Variants in PFKP observed in about 807,000 individuals in gnomAD.
PFKP encodes phosphofructokinase, platelet.
A neutral mutation model predicts 94.3 loss-of-function variants in PFKP; 101 were observed. The observed-to-expected ratio is 1.07, with a 90% CI of 0.91 to 1.26. The LOEUF (loss-of-function observed/expected upper bound fraction) is 1.26, where lower values mean the gene tolerates loss of function less well. Ranked by LOEUF, PFKP falls within the 50% of genes most tolerant of loss-of-function variation. PFKP has a pLI of 0.00. For missense variants in PFKP, 1,145 were observed against 1,103.3 expected (o/e 1.04, Z -0.53); for synonymous variants, 573 against 432.6 (o/e 1.32, Z -4.03).
intron 11 of PFKP, among the ~76,000 whole-genome samples, chr10:3,112,633 C>T (rs534200180): frequency 2.3e-4 from 35 of 152,344 alleles, no homozygotes; most frequent in Non-Finnish European, 4.7e-4. Flanking sequence ...TCTCAGCTCC[C>T]TGCAATCTCT....
chr10:3,109,344 C>T lies in PFKP; in HGVS notation c.964-11C>T, dbSNP rs117757778. ...GAGGCTGCCCCTGACCCACATGGAC[C>T]TGGTTTCCAGGCCAGCCGCATGGGA... On this transcript the variant is annotated splice_polypyrimidine_tract_variant and intron_variant, in intron 9 of 21. Transcript: ENST00000381125. 12,655 of 1,608,402 alleles carry T rather than the reference C, an allele frequency of 7.9e-3. 83 individuals are homozygous for T. The highest frequency in any genetic ancestry group is 9.2e-3 in the Non-Finnish European group (10,825 of 1,179,952).
chr10:3,096,809 C>G (rs61835135), intron 2 of PFKP, among the ~76,000 whole-genome samples: 3 of 147,950 alleles, frequency 2.0e-5, no homozygotes, highest in Non-Finnish European at 4.5e-5. Flanking sequence ...CCGGGTGCGG[C>G]GGCTCATGCC....
chr10:3,117,024 G>A (rs1249126993), intron 14 of PFKP, among the ~76,000 whole-genome samples, 178 bp downstream of exon 14: 1 of 152,218 alleles, frequency 6.6e-6, no homozygotes, highest in Non-Finnish European at 1.5e-5. Flanking sequence ...CCAGGGAGCT[G>A]GGGATGTGTC....
chr10:3,080,344 C>T (rs1024306261), intron 1 of PFKP, among the ~76,000 whole-genome samples: 7 of 151,962 alleles, frequency 4.6e-5, no homozygotes, highest in Non-Finnish European at 8.8e-5. Flanking sequence ...GGTGAAACCC[C>T]GTCTCTACTA....
At chr10:3,077,717 C>T (rs1285106189) in intron 1 of PFKP, among the ~76,000 whole-genome samples, 1 of 152,126 alleles carries the variant, frequency 6.6e-6, no homozygotes, top group Admixed American at 6.5e-5. Context: ...CTGGTGTAGG[C>T]CAAGGATGAC....
intron 16 of PFKP, among the ~76,000 whole-genome samples, chr10:3,126,236 G>T (rs998962586): frequency 6.6e-6 from 1 of 152,196 alleles, no homozygotes; most frequent in Non-Finnish European, 1.5e-5. Context: ...GCAGCTTCCT[G>T]TGAGTCCGAG....
chr10:3,136,191 G>A (rs9423493), intron 21 of PFKP, among the ~76,000 whole-genome samples: 2 of 151,942 alleles, frequency 1.3e-5, no homozygotes, highest in Non-Finnish European at 2.9e-5. Context: ...CTTGAACCCG[G>A]GAGGCAGAGG....
At position 3,067,695 on chromosome 10, in the gene PFKP, G is replaced by T; in HGVS notation, c.100G>T (p.Gly34Trp). 1 of 1,505,256 alleles carries T rather than the reference G, an allele frequency of 6.6e-7. No homozygotes were observed. 93.2% of individuals were successfully genotyped at this position (1,505,256 alleles called of 1,614,324 possible). A position where few individuals can be genotyped will look rare whatever the true frequency, so the allele number is the denominator to read the frequency against. ...GKAIGVLTSGGDAQGMNAAVR... is the reference protein window; with the variant it reads ...GKAIGVLTSGWDAQGMNAAVR... ...GGCCATCGGCGTGCTGACCAGCGGC[G>T]GGGATGCTCAAGGTGCGCGCCCCCC... Residue 34 changes from glycine (G) to tryptophan (W), a missense_variant, in exon 1 of 22, where the codon GGG (glycine) becomes TGG (tryptophan). This residue lies in a region of PFKP where 1,119 missense variants were observed against 1,062.8 expected (regional missense o/e 1.05). Transcript: ENST00000381125.
intron 20 of PFKP, 146 bp downstream of exon 20, chr10:3,134,728 C>CT (rs1839026688): frequency 8.7e-6 from 5 of 575,470 alleles, no homozygotes; most frequent in South Asian, 5.0e-5. Context: ...CTCCTGATCT[C>CT]TGAGTGTTGC....
At chr10:3,134,127 G>A (rs77832195) in intron 19 of PFKP, among the ~76,000 whole-genome samples, 1 of 152,192 alleles carries the variant, frequency 6.6e-6, no homozygotes, top group Non-Finnish European at 1.5e-5. Flanking sequence ...TGATGAAATA[G>A]TAGGCATATG....
chr10:3,135,083 G>T (rs1424541881), intron 20 of PFKP, among the ~76,000 whole-genome samples: 6 of 152,170 alleles, frequency 3.9e-5, no homozygotes, highest in Admixed American at 3.3e-4. Flanking sequence ...TCTTTAAACT[G>T]AAGTTTCAAG....
chr10:3,083,424 AAAAATGAGAAG>A (rs1833242496), intron 2 of PFKP, among the ~76,000 whole-genome samples: 1 of 152,238 alleles, frequency 6.6e-6, no homozygotes, highest in East Asian at 1.9e-4. Flanking sequence ...ACATAGCTTT[AAAAATGAGAAG>A]AAGGTATTTT....
At chr10:3,129,763 ATGG>A in intron 16 of PFKP, 53 bp from the exon 17 acceptor site, 2 of 1,586,510 alleles carry the variant, frequency 1.3e-6, no homozygotes, top group East Asian at 4.5e-5. Flanking sequence ...GAGCTCTGGG[ATGG>A]TGGGCGCGCC....
chr10:3,134,419 T>TACAGTAACAC (rs1838968437), intron 19 of PFKP, 64 bp from the exon 20 acceptor site: 102 of 1,004,114 alleles, frequency 1.0e-4, no homozygotes, highest in Non-Finnish European at 1.4e-4. Context: ...GAAATTGTCA[T>TACAGTAACAC]TTCTATTTAA....
At chr10:3,113,990 C>T (rs1836532536) in intron 13 of PFKP, among the ~76,000 whole-genome samples, 2 of 151,928 alleles carry the variant, frequency 1.3e-5, no homozygotes, top group South Asian at 4.1e-4. Flanking sequence ...TTAAGCCTCA[C>T]ACTAAATCTA....
intron 1 of PFKP, among the ~76,000 whole-genome samples, chr10:3,071,427 G>GTTTTT (rs569603765): frequency 5.9e-3 from 543 of 92,192 alleles, no homozygotes; most frequent in African/African-American, 0.012. Flanking sequence ...GTCTCAGGCT[G>GTTTTT]TTTTTTTTTT....
chr10:3,105,602 C>T (rs902188526), intron 7 of PFKP, 101 bp downstream of exon 7: 5 of 803,270 alleles, frequency 6.2e-6, no homozygotes, highest in Non-Finnish European at 1.1e-5. Flanking sequence ...GAAAAAATTT[C>T]TCTGTCTCCA....
chr10:3,114,220 G>A (rs1836563623), intron 13 of PFKP, among the ~76,000 whole-genome samples: 1 of 151,358 alleles, frequency 6.6e-6, no homozygotes. Flanking sequence ...CGTGATCTTG[G>A]CCCACTGCAG....
At chr10:3,124,340 C>A (rs1055902155) in intron 16 of PFKP, among the ~76,000 whole-genome samples, 25 of 152,196 alleles carry the variant, frequency 1.6e-4, no homozygotes, top group African/African-American at 5.3e-4. Flanking sequence ...GGCGTGTGGA[C>A]CTGTCCTGCT....
Sources: gnomAD v4.1 joint callset for allele counts (sites outside exome capture counted in the v4.1 genomes callset) on GRCh38, gnomAD v4.1.1 for gene constraint, gnomAD v4.1.1 regional missense constraint, MANE v1.5 for transcripts, NCBI Gene and HGNC (gene_info 2026-07-23, HGNC 2026-07-21) for gene names.